Variants in MAEL observed in about 807,000 individuals in gnomAD.
The protein encoded by MAEL is protein maelstrom homolog.
Under a neutral mutation model 62.0 loss-of-function variants are expected in MAEL, and 46 were observed. The observed-to-expected ratio is 0.74, with a 90% CI of 0.59 to 0.95. MAEL has a LOEUF of 0.95. Among genes scored for constraint, MAEL ranks in the 40% least tolerant of loss-of-function variants. The pLI, the probability that MAEL is intolerant of heterozygous loss-of-function variation, is 0.00. For missense variants in MAEL, 497 were observed against 526.8 expected, an observed-to-expected ratio of 0.94 and a Z score of 0.55; for synonymous variants, 172 against 175.5, an observed-to-expected ratio of 0.98 and a Z score of 0.16.
At chr1:167,000,003 A>G (rs1664593710) in intron 5 of MAEL, among the ~76,000 whole-genome samples, 1 of 152,194 alleles carries the variant, frequency 6.6e-6, no homozygotes, top group South Asian at 2.1e-4. Context: ...TTTACTGCTC[A>G]TTGACATTAG....
intron 8 of MAEL, among the ~76,000 whole-genome samples, chr1:167,008,786 T>C (rs1665039964): frequency 1.3e-5 from 2 of 152,108 alleles, no homozygotes; most frequent in Admixed American, 1.3e-4. Flanking sequence ...AATTATGTCA[T>C]TTTAACTCTC....
chr1:167,007,388 G>A (rs978663314), intron 8 of MAEL, among the ~76,000 whole-genome samples: 6 of 151,994 alleles, frequency 3.9e-5, no homozygotes, highest in Non-Finnish European at 8.8e-5. Flanking sequence ...GGCCTATCTT[G>A]TACTTTCTTT....
In MAEL at chr1:167,002,107, G is replaced by C. The variant is rs1418872587; in HGVS notation, c.524-2073G>C. On this transcript the variant is annotated intron_variant, in intron 5 of 11. Transcript: ENST00000367872. ...ATGTGGTACTTTACTAGTGTTAAAC[G>C]AACCTTGTCTTCCAGGAACAAACCC... Among the ~76,000 whole-genome samples the C allele has an allele frequency of 2.0e-5, 3 of 152,126 alleles. No individual in the cohort carries two copies. The East Asian group carries it at 5.8e-4, about 29-fold the overall frequency.
chr1:167,009,875 T>C lies in MAEL; in HGVS notation c.845+4478T>C, dbSNP rs182219510. On this transcript the variant is annotated intron_variant, in intron 8 of 11. Transcript: ENST00000367872. ...TTTCCCCTCTCTTTCTTGAGTTAAG[T>C]AATTTCTTCATTTTTTGTTTATTTC... Among the ~76,000 whole-genome samples, 6 of 152,236 alleles carry C rather than the reference T, an allele frequency of 3.9e-5. No homozygotes were observed. The East Asian group carries it at 1.2e-3, about 29-fold the overall frequency.
chr1:167,017,780 T>C, intron 9 of MAEL, 47 bp from the exon 10 acceptor site: 1 of 1,539,702 alleles, frequency 6.5e-7, no homozygotes, highest in Middle Eastern at 1.7e-4. Context: ...ATACTTTTAG[T>C]TGAATTAAAT....
At chr1:166,994,243 T>A (rs530507831) in intron 5 of MAEL, among the ~76,000 whole-genome samples, 174 bp downstream of exon 5, 6 of 152,242 alleles carry the variant, frequency 3.9e-5, no homozygotes, top group African/African-American at 7.2e-5. Context: ...TTTTATAGAC[T>A]GATAGTATAC....
At chr1:167,008,757 T>C (rs1665037646) in intron 8 of MAEL, among the ~76,000 whole-genome samples, 1 of 152,100 alleles carries the variant, frequency 6.6e-6, no homozygotes, top group African/African-American at 2.4e-5. Context: ...ATGCAATATT[T>C]TCATTGCCAT....
intron 5 of MAEL, among the ~76,000 whole-genome samples, chr1:167,000,425 A>C (rs1247492107): frequency 1.3e-5 from 2 of 152,226 alleles, no homozygotes; most frequent in Admixed American, 1.3e-4. Context: ...CTCACAATAA[A>C]ACTTGAATGG....
intron 5 of MAEL, among the ~76,000 whole-genome samples, chr1:166,998,628 C>A (rs1010550959): frequency 2.6e-5 from 4 of 152,310 alleles, no homozygotes; most frequent in Admixed American, 2.0e-4. Flanking sequence ...TTTCTTCTTT[C>A]TCTCCCCACC....
At chr1:167,015,635 C>T (rs913192616) in intron 8 of MAEL, among the ~76,000 whole-genome samples, 11 of 151,120 alleles carry the variant, frequency 7.3e-5, no homozygotes, top group Non-Finnish European at 1.0e-4. Flanking sequence ...GTCATTTCCT[C>T]ACCAACATCA....
upstream of MAEL, among the ~76,000 whole-genome samples, chr1:166,988,375 T>G (rs1344152678): frequency 6.9e-6 from 1 of 144,480 alleles, no homozygotes; most frequent in Non-Finnish European, 1.5e-5. Flanking sequence ...AAAAAAAAAT[T>G]TAAAAGATAA....
At chr1:166,988,689 A>C (rs1571238881), upstream of MAEL, among the ~76,000 whole-genome samples, 2 of 152,338 alleles carry the variant, frequency 1.3e-5, no homozygotes, top group East Asian at 1.9e-4. Flanking sequence ...ATAAAAACTC[A>C]TATTGTTAAT....
Position 166,977,656 on chromosome 1 carries a change from A to G in MAEL, c.-121+1990A>G, listed in dbSNP as rs1663633540. On this transcript the variant is annotated intron_variant, in intron 1 of 12. Coordinates refer to the MAEL transcript ENST00000622874. ...AATAGTGTTTATTATCTAAGCACAC[A>G]TAACAGTGGCATTTTGGCCAGGTGC... Among the ~76,000 whole-genome samples, 5 of 152,340 alleles carry G rather than the reference A, an allele frequency of 3.3e-5. No homozygotes were observed. The South Asian group carries it at 8.3e-4, about 25-fold the overall frequency.
intron 8 of MAEL, among the ~76,000 whole-genome samples, chr1:167,008,255 G>A (rs61817699): frequency 0.13 from 20,500 of 151,914 alleles, 1,460 homozygotes; most frequent in East Asian, 0.24. Context: ...TGGGACTGGC[G>A]CATTTTTGTA....
chr1:166,989,786 G>C lies in MAEL; in HGVS notation c.182G>C (p.Trp61Ser). 1 of 1,613,990 alleles carries C rather than the reference G, an allele frequency of 6.2e-7. No homozygotes were observed. The highest frequency in any genetic ancestry group is 8.5e-7 in the Non-Finnish European group (1 of 1,179,980). Residue 61 changes from tryptophan to serine, a missense_variant, in exon 2 of 12, where the codon TGG becomes TCG. Coordinates refer to ENST00000367872, the MANE Select transcript of MAEL (RefSeq NM_032858.3). ...KEKYAEMARE[W>S]RAAQGKDPGP... Reference sequence around the variant, plus strand: ...AAATACGCAGAAATGGCTCGAGAATGGAGGGCCGCTCAGGGAAAGGACCCT... The same window carrying C: ...AAATACGCAGAAATGGCTCGAGAATCGAGGGCCGCTCAGGGAAAGGACCCT...
chr1:167,001,387 A>C (rs567753889), intron 5 of MAEL, among the ~76,000 whole-genome samples: 36 of 152,244 alleles, frequency 2.4e-4, no homozygotes, highest in Admixed American at 2.2e-3. Flanking sequence ...ACCAAATACC[A>C]CCTGTTCCCC....
At chr1:166,989,889 C>A in intron 2 of MAEL, 60 bp downstream of exon 2, 2 of 1,336,616 alleles carry the variant, frequency 1.5e-6, no homozygotes, top group Admixed American at 2.2e-5. Context: ...TCAGTAAAGG[C>A]TGGATGAGTG....
intron 6 of MAEL, among the ~76,000 whole-genome samples, chr1:167,004,735 T>G (rs1355492579): frequency 6.6e-6 from 1 of 152,186 alleles, no homozygotes; most frequent in African/African-American, 2.4e-5. Flanking sequence ...AGTTGAAAAG[T>G]TGGGTTTTAA....
chr1:167,004,072 C>G, intron 5 of MAEL, 108 bp from the exon 6 acceptor site: 2 of 933,232 alleles, frequency 2.1e-6, no homozygotes, highest in Non-Finnish European at 3.2e-6. Context: ...TGTACAAGTA[C>G]TTAACTGTGT....
Sources: allele counts gnomAD v4.1 joint callset (sites outside exome capture counted in the v4.1 genomes callset), GRCh38; gene constraint gnomAD v4.1.1; transcripts MANE v1.5; gene names NCBI Gene and HGNC (gene_info 2026-07-23, HGNC 2026-07-21).